Variants in MAPRE2 observed in about 807,000 individuals in gnomAD.
MAPRE2 encodes microtubule-associated protein RP/EB family member 2.
A neutral mutation model predicts 43.2 loss-of-function variants in MAPRE2; 13 were observed. The observed-to-expected ratio is 0.30, with a 90% CI of 0.20 to 0.48. MAPRE2 has a LOEUF of 0.48. Ranked by LOEUF, MAPRE2 falls within the 20% of genes least tolerant of loss-of-function variation. The pLI, the probability that MAPRE2 is intolerant of heterozygous loss-of-function variation, is 0.99. For missense variants in MAPRE2, 161 were observed against 400.2 expected (o/e 0.40, Z 5.10); for synonymous variants, 135 against 148.8 (o/e 0.91, Z 0.68).
At chr18:34,978,323 C>A in intron 1 of MAPRE2, 1 of 649,470 alleles carries the variant, frequency 1.5e-6, no homozygotes, top group South Asian at 1.8e-5. Flanking sequence ...GCGCTCAAAC[C>A]CGCGCCCGCG....
intron 2 of MAPRE2, among the ~76,000 whole-genome samples, chr18:35,082,672 G>A (rs528667615): frequency 3.5e-4 from 53 of 152,038 alleles, no homozygotes; most frequent in African/African-American, 1.0e-3. Flanking sequence ...AAAGCCTTAC[G>A]CTCATTGAGT....
intron 1 of MAPRE2, among the ~76,000 whole-genome samples, chr18:34,981,880 T>A (rs1214109189): frequency 3.0e-5 from 1 of 33,206 alleles, no homozygotes; most frequent in African/African-American, 6.7e-5. Context: ...TTTTTTTATT[T>A]TTATTTATTT....
At chr18:35,013,521 A>C (rs1388066071) in intron 2 of MAPRE2, among the ~76,000 whole-genome samples, 3 of 152,178 alleles carry the variant, frequency 2.0e-5, no homozygotes, top group Non-Finnish European at 4.4e-5. Context: ...TCTTTCTGTT[A>C]GGAACATTTA....
At position 34,978,512 on chromosome 18, in the gene MAPRE2, T is replaced by C. The variant is rs1034942088; in HGVS notation, c.-70+1433T>C. 6 of 1,551,484 alleles carry C rather than the reference T, an allele frequency of 3.9e-6. No individual in the cohort carries two copies. The Admixed American group carries it at 9.8e-5, about 25-fold the overall frequency. On this transcript the variant is annotated intron_variant, in intron 1 of 7. Transcript: ENST00000413393. The stretch of plus-strand genomic sequence containing the variant: ...TTTACACTTTTGCTGAATAGGACAC[T>C]GTGGAATGAAACAGAACAGAGATCA...
chr18:34,986,750 T>G (rs2032090336), intron 1 of MAPRE2, among the ~76,000 whole-genome samples: 1 of 152,182 alleles, frequency 6.6e-6, no homozygotes. Context: ...TCAAGATAAA[T>G]TTGGAGGTAT....
In MAPRE2 at chr18:35,143,345, A is replaced by G. The variant is rs544356064; in HGVS notation, c.*2976A>G. The G allele has an allele frequency of 1.3e-5, 2 of 152,304 alleles. No homozygotes were observed. Among genetic ancestry groups the G allele is most frequent in the African/African-American group, 2.4e-5 (1 of 41,580 alleles). The allele number at this position is 152,304 out of a possible 1,614,324, so 9.4% of individuals were successfully genotyped here. ...TGAAAAAGTCTTATTCAGATGTATCACATTCATTTTACATTACCCACCTAT... is the reference window on the plus strand; with the variant it reads ...TGAAAAAGTCTTATTCAGATGTATCGCATTCATTTTACATTACCCACCTAT... On this transcript the variant is annotated 3_prime_UTR_variant, in exon 7 of 7. Coordinates refer to ENST00000300249, the MANE Select transcript of MAPRE2 (RefSeq NM_014268.4).
Position 35,096,757 on chromosome 18 carries a change from G to A in MAPRE2, c.251-689G>A, listed in dbSNP as rs973200356. On this transcript the variant is annotated intron_variant, in intron 2 of 6. Transcript: ENST00000300249. ...TAATAATTAATAAGTATAAGTAATAGGTAATAAGTATAAGTAATAATAGTT... is the reference window on the plus strand; with the variant it reads ...TAATAATTAATAAGTATAAGTAATAAGTAATAAGTATAAGTAATAATAGTT... 2.0e-5 allele frequency among the ~76,000 whole-genome samples: 3 copies of A among 151,848 alleles called. No individual in the cohort carries two copies. In the East Asian group the frequency reaches 5.8e-4, roughly 29 times the overall value.
intron 2 of MAPRE2, among the ~76,000 whole-genome samples, chr18:35,031,015 T>C (rs2097047574): frequency 6.6e-6 from 1 of 152,230 alleles, no homozygotes; most frequent in Non-Finnish European, 1.5e-5. Flanking sequence ...TTTTCAGGAA[T>C]GTCTACCCTG....
intron 1 of MAPRE2, among the ~76,000 whole-genome samples, chr18:35,046,130 C>A (rs1286744631): frequency 4.6e-5 from 7 of 152,070 alleles, no homozygotes; most frequent in Non-Finnish European, 1.0e-4. Flanking sequence ...GTGAATAATT[C>A]TAGATTAATT....
intron 1 of MAPRE2, among the ~76,000 whole-genome samples, chr18:34,985,523 TA>T (rs372182701): frequency 0.01 from 505 of 50,160 alleles, 45 homozygotes; most frequent in African/African-American, 0.044. Flanking sequence ...ATATATTATA[TA>T]TTATAAATAT....
At chr18:35,132,889 C>T (rs568500479) in intron 6 of MAPRE2, among the ~76,000 whole-genome samples, 1 of 152,250 alleles carries the variant, frequency 6.6e-6, no homozygotes, top group Non-Finnish European at 1.5e-5. Flanking sequence ...AGGCAAGGCA[C>T]CCCGGGTCTG....
chr18:35,081,824 C>G (rs1907646975), intron 2 of MAPRE2, among the ~76,000 whole-genome samples: 1 of 151,958 alleles, frequency 6.6e-6, no homozygotes, highest in South Asian at 2.1e-4. Context: ...TATATTTTAC[C>G]TTATACTAAA....
At chr18:35,108,157 G>A (rs571337719) in intron 4 of MAPRE2, among the ~76,000 whole-genome samples, 5 of 152,226 alleles carry the variant, frequency 3.3e-5, no homozygotes, top group South Asian at 4.1e-4. Context: ...AGTGTATGAT[G>A]TTCCCCTCCC....
intron 1 of MAPRE2, among the ~76,000 whole-genome samples, chr18:35,065,729 T>G (rs555570130): frequency 6.6e-6 from 1 of 152,154 alleles, no homozygotes; most frequent in Non-Finnish European, 1.5e-5. Context: ...AATTTTTGTA[T>G]TTTTAGTAGA....
At chr18:35,082,057 G>T (rs1907663302) in intron 2 of MAPRE2, 1 of 73,398 alleles carries the variant, frequency 1.4e-5, no homozygotes, top group African/African-American at 2.0e-4. Context: ...TTGGGAGGCC[G>T]AGGCGGGCGG....
chr18:34,980,031 C>CTTTTTTTTTTTTT (rs796434537), intron 1 of MAPRE2, among the ~76,000 whole-genome samples: 17 of 46,120 alleles, frequency 3.7e-4, no homozygotes, highest in African/African-American at 4.6e-4. Context: ...TTCTTTTTTT[C>CTTTTTTTTTTTTT]TTTTTTTTTT....
intron 1 of MAPRE2, among the ~76,000 whole-genome samples, chr18:35,064,370 G>A (rs1378008836): frequency 7.6e-6 from 1 of 131,252 alleles, no homozygotes; most frequent in Admixed American, 7.7e-5. Context: ...TGAGTGATCG[G>A]TGAAGTGTGA....
At chr18:35,132,844 G>A (rs1347373233) in intron 6 of MAPRE2, among the ~76,000 whole-genome samples, 1 of 152,208 alleles carries the variant, frequency 6.6e-6, no homozygotes, top group African/African-American at 2.4e-5. Flanking sequence ...AGGAAGCAAG[G>A]AGAGAAAGCG....
intron 1 of MAPRE2, among the ~76,000 whole-genome samples, chr18:35,067,509 T>C (rs1906891133): frequency 6.6e-6 from 1 of 152,230 alleles, no homozygotes; most frequent in African/African-American, 2.4e-5. Context: ...TACTCACTTG[T>C]GTATGGGTTA....
Sources: allele counts gnomAD v4.1 joint callset (sites outside exome capture counted in the v4.1 genomes callset), GRCh38; gene constraint gnomAD v4.1.1; transcripts MANE v1.5; gene names NCBI Gene and HGNC (gene_info 2026-07-23, HGNC 2026-07-21).